LMTK2: variants seen among roughly 807,000 people sequenced by gnomAD.
The protein encoded by LMTK2 is lemur tail kinase 2, also known as serine/threonine-protein kinase LMTK2.
LMTK2 carries 37 observed loss-of-function variants against 127.5 expected under a neutral mutation model. The observed-to-expected ratio is 0.29, with a 90% CI of 0.22 to 0.38. LMTK2 has a LOEUF of 0.38. Ranked by LOEUF, LMTK2 falls within the 10% of genes least tolerant of loss-of-function variation. LMTK2 has a pLI of 1.00. For missense variants in LMTK2, 1,694 were observed against 1,920.3 expected, an observed-to-expected ratio of 0.88 and a Z score of 2.20; for synonymous variants, 819 against 810.1, an observed-to-expected ratio of 1.01 and a Z score of -0.19.
chr7:98,152,058 C>T (rs1213793529), intron 4 of LMTK2, among the ~76,000 whole-genome samples: 1 of 152,208 alleles, frequency 6.6e-6, no homozygotes, highest in African/African-American at 2.4e-5. Context: ...GGAATCTTAG[C>T]AGCTTCAGCT....
intron 7 of LMTK2, among the ~76,000 whole-genome samples, chr7:98,179,591 T>TCCCTTTC (rs1322678109): frequency 2.8e-5 from 4 of 142,160 alleles, no homozygotes; most frequent in African/African-American, 1.1e-4. Flanking sequence ...CTCTCCCTCC[T>TCCCTTTC]TCCCTCTCTC....
chr7:98,163,021 C>T (rs988804562), intron 6 of LMTK2, among the ~76,000 whole-genome samples: 1 of 152,006 alleles, frequency 6.6e-6, no homozygotes, highest in Admixed American at 6.6e-5. Context: ...TGAAACAAGC[C>T]AGTCACAAAA....
intron 1 of LMTK2, among the ~76,000 whole-genome samples, chr7:98,136,019 G>A (rs1340899509): frequency 1.3e-5 from 2 of 152,008 alleles, no homozygotes; most frequent in African/African-American, 4.8e-5. Context: ...AGCAATGGCT[G>A]GTTCTCAAGC....
chr7:98,148,453 A>C (rs1027819770), intron 3 of LMTK2, among the ~76,000 whole-genome samples: 2 of 151,264 alleles, frequency 1.3e-5, no homozygotes, highest in South Asian at 4.2e-4. Context: ...AGATTGCTCC[A>C]CTGCACTCCA....
At position 98,203,586 on chromosome 7, in the gene LMTK2, A is replaced by G. The variant is rs886088352; in HGVS notation, c.4120A>G (p.Lys1374Glu). ...VYLFDQETPTKELGPCGGEAC... is the reference protein window; with the variant it reads ...VYLFDQETPTEELGPCGGEAC... ...TTTGACTTTTCAGGAGACCCCAACC[A>G]AAGAGCTGGGGCCCTGTGGAGGAGA... The change falls in exon 12 of 14, where the codon AAA becomes GAA. Residue 1374 changes from lysine to glutamate, a missense_variant. This residue lies in a region of LMTK2 where 554 missense variants were observed against 567.7 expected (regional missense o/e 0.98). Coordinates refer to ENST00000297293, the MANE Select transcript of LMTK2 (RefSeq NM_014916.4). 1.3e-6 allele frequency: 2 copies of G among 1,587,422 alleles called. No homozygotes were observed. The highest frequency in any genetic ancestry group is 1.4e-5 in the African/African-American group (1 of 72,936).
At position 98,107,206 on chromosome 7, in the gene LMTK2, GGCT is replaced by G. The variant is rs146333850; in HGVS notation, c.46_48del (p.Leu16del). ...CCGGGGCCGCCGGCGTTGCGGCGGAGGCTGCTGCTGCTGCTGCTGGTCCTCCTG... is the reference window on the plus strand; with the variant it reads ...CCGGGGCCGCCGGCGTTGCGGCGGAGGCTGCTGCTGCTGCTGGTCCTCCTG... On this transcript the variant is annotated inframe_deletion, in exon 1 of 14. Coordinates refer to ENST00000297293, the MANE Select transcript of LMTK2 (RefSeq NM_014916.4). The G allele has an allele frequency of 2.4e-3, 3,316 of 1,401,978 alleles. No homozygotes were observed. Among genetic ancestry groups the G allele is most frequent in the South Asian group, 7.6e-3 (519 of 68,646 alleles). 86.8% of individuals were successfully genotyped at this position (1,401,978 alleles called of 1,614,324 possible). A position where few individuals can be genotyped will look rare whatever the true frequency, so the allele number is the denominator to read the frequency against.
chr7:98,197,806 C>T (rs758199404), intron 11 of LMTK2, among the ~76,000 whole-genome samples: 2 of 152,204 alleles, frequency 1.3e-5, no homozygotes, highest in Non-Finnish European at 2.9e-5. Flanking sequence ...TGTGTCACTG[C>T]ACTGCAGCCG....
intron 9 of LMTK2, among the ~76,000 whole-genome samples, chr7:98,187,365 T>C (rs546880125): frequency 6.6e-6 from 1 of 152,182 alleles, no homozygotes; most frequent in African/African-American, 2.4e-5. Flanking sequence ...TTTATAGGAG[T>C]CAGTTTAATG....
intron 7 of LMTK2, among the ~76,000 whole-genome samples, chr7:98,178,390 G>A (rs923051698): frequency 3.9e-5 from 6 of 152,184 alleles, no homozygotes; most frequent in Admixed American, 2.6e-4. Context: ...TGTGAATCGG[G>A]GTGGGAACCC....
chr7:98,147,747 G>A (rs181088384), intron 3 of LMTK2, among the ~76,000 whole-genome samples: 1 of 152,112 alleles, frequency 6.6e-6, no homozygotes, highest in East Asian at 1.9e-4. Flanking sequence ...CACTGATTCT[G>A]TCTGCCCAAA....
chr7:98,162,742 A>G (rs1404131), intron 6 of LMTK2, among the ~76,000 whole-genome samples: 8,094 of 152,330 alleles, frequency 0.053, 640 homozygotes, highest in East Asian at 0.36. Context: ...TACAATTACC[A>G]TATGATCCAG....
rs554823342 is a variant in LMTK2, at chr7:98,192,462, C to T, written c.1997C>T (p.Pro666Leu). The T allele has an allele frequency of 1.9e-6, 3 of 1,611,770 alleles. No individual in the cohort carries two copies. In the South Asian group the frequency reaches 3.3e-5, roughly 18 times the overall value. The part of the protein sequence containing the change: ...ELNGVQADFK[P>L]ATLSSSLDNP... ...AACGGAGTTCAAGCCGACTTTAAAC[C>T]TGCCACTTTAAGTTCCAGTTTGGAT... Residue 666 changes from proline (P) to leucine (L), a missense_variant, in exon 11 of 14, where the codon CCT becomes CTT. By Grantham distance (98) the Pro-to-Leu change is moderately conservative. Around this residue, in one of 8 missense-constraint regions of LMTK2, gnomAD observed 527 missense variants for 539.8 expected, o/e 0.98. Coordinates refer to ENST00000297293, the MANE Select transcript of LMTK2 (RefSeq NM_014916.4).
rs575911412 is a variant in LMTK2, at chr7:98,133,367, A to G, written c.104-3948A>G. On this transcript the variant is annotated intron_variant, in intron 1 of 13. Transcript: ENST00000297293. Reference sequence around the variant, plus strand: ...TCAGGGACTGGTTTCTAGTTTGACCACGGCGGTATAGGGATTTTATTTGTG... The same window carrying G: ...TCAGGGACTGGTTTCTAGTTTGACCGCGGCGGTATAGGGATTTTATTTGTG... 3.3e-5 allele frequency among the ~76,000 whole-genome samples: 5 copies of G among 152,154 alleles called. No homozygotes were observed. In the East Asian group the frequency reaches 9.7e-4, roughly 29 times the overall value.
chr7:98,136,983 A>T (rs1004733718), intron 1 of LMTK2, among the ~76,000 whole-genome samples: 23 of 152,226 alleles, frequency 1.5e-4, no homozygotes, highest in Non-Finnish European at 2.8e-4. Flanking sequence ...TAAAATCCGA[A>T]TAAAGCCTGA....
At chr7:98,128,960 C>G (rs918243994) in intron 1 of LMTK2, among the ~76,000 whole-genome samples, 1 of 152,136 alleles carries the variant, frequency 6.6e-6, no homozygotes, top group Admixed American at 6.5e-5. Flanking sequence ...GAGTAAGCAT[C>G]TCACCACTCC....
intron 3 of LMTK2, among the ~76,000 whole-genome samples, chr7:98,147,610 T>C (rs1050918953): frequency 6.6e-6 from 1 of 152,202 alleles, no homozygotes; most frequent in African/African-American, 2.4e-5. Flanking sequence ...GGGACTCCAA[T>C]TGATAATATG....
intron 1 of LMTK2, among the ~76,000 whole-genome samples, chr7:98,127,486 A>G (rs1306499389): frequency 1.3e-5 from 2 of 152,232 alleles, no homozygotes; most frequent in African/African-American, 4.8e-5. Flanking sequence ...GAATTCTCCT[A>G]TGCAAATTCC....
chr7:98,187,797 G>A (rs1202230910), intron 9 of LMTK2, among the ~76,000 whole-genome samples: 1 of 152,038 alleles, frequency 6.6e-6, no homozygotes, highest in Non-Finnish European at 1.5e-5. Flanking sequence ...TAGAGATGGA[G>A]TTTTGCCATG....
At position 98,151,394 on chromosome 7, in the gene LMTK2, C is replaced by G. The variant is rs1208599705; in HGVS notation, c.389C>G (p.Ser130Cys). The G allele has an allele frequency of 6.2e-7, 1 of 1,612,588 alleles. No individual in the cohort carries two copies. The highest frequency in any genetic ancestry group is 1.3e-5 in the African/African-American group (1 of 74,828). ...TTTTTCTCTACAGAGGGATTGAAGT[C>G]TCAAGTTGCCCGCCACAGTCTAAAC... ...QFQPSVEGLK[S>C]QVARHSLNYI... Residue 130 changes from serine to cysteine, a missense_variant, in exon 4 of 14, where the codon TCT (serine) becomes TGT (cysteine). Physicochemically the swap from Ser to Cys is moderately radical, Grantham distance 112. This residue lies in a region of LMTK2 where 203 missense variants were observed against 226.2 expected (regional missense o/e 0.90). Transcript: ENST00000297293.
Sources: allele counts gnomAD v4.1 joint callset (sites outside exome capture counted in the v4.1 genomes callset), GRCh38; gene constraint gnomAD v4.1.1; regional missense constraint gnomAD v4.1.1; transcripts MANE v1.5; gene names NCBI Gene and HGNC (gene_info 2026-07-23, HGNC 2026-07-21).